The following UGGT2 variants were observed in gnomAD, a reference collection of about 807,000 sequenced individuals.
UGGT2 encodes UDP-glucose glycoprotein glucosyltransferase 2, also known as UDP-glucose:glycoprotein glucosyltransferase 2.
Under a neutral mutation model 192.1 loss-of-function variants are expected in UGGT2, and 180 were observed. The ratio of observed to expected loss-of-function variants is 0.94; its 90% CI spans 0.83 to 1.06. The LOEUF is 1.06. UGGT2 is among the 50% of genes least tolerant of loss of function. The pLI is 0.00. For synonymous variants in UGGT2, 580 were observed against 591.0 expected (o/e 0.98, Z 0.27); for missense variants, 1,849 against 1,795.7 (o/e 1.03, Z -0.54).
chr13:95,876,587 GC>G (rs1388412231), intron 29 of UGGT2, among the ~76,000 whole-genome samples: 1 of 152,174 alleles, frequency 6.6e-6, no homozygotes, highest in Non-Finnish European at 1.5e-5. Context: ...AAAGTCTGCT[GC>G]TCACTTCCCT....
chr13:95,936,796 A>T, intron 17 of UGGT2, 128 bp downstream of exon 17: 1 of 964,374 alleles, frequency 1.0e-6, no homozygotes, highest in Non-Finnish European at 1.5e-6. Flanking sequence ...GTATCATTTT[A>T]AAAATCACTA....
intron 7 of UGGT2, 48 bp from the exon 8 acceptor site, chr13:95,990,121 C>G: frequency 1.6e-6 from 2 of 1,212,474 alleles, no homozygotes; most frequent in Non-Finnish European, 1.1e-6. Context: ...CTATCACAAA[C>G]CATTATACAA....
intron 36 of UGGT2, among the ~76,000 whole-genome samples, chr13:95,848,435 C>A: frequency 6.6e-6 from 1 of 152,098 alleles, no homozygotes; most frequent in East Asian, 1.9e-4. Flanking sequence ...TTGTGTTTTA[C>A]ATTCAAGTCT....
At chr13:95,964,892 T>A (rs2050518341) in intron 12 of UGGT2, among the ~76,000 whole-genome samples, 1 of 151,686 alleles carries the variant, frequency 6.6e-6, no homozygotes, top group Non-Finnish European at 1.5e-5. Flanking sequence ...TCAAACAAAT[T>A]TACAAGAAAA....
chr13:95,887,625 T>G lies in UGGT2; in HGVS notation c.3038+267A>C, dbSNP rs546420964. Among the ~76,000 whole-genome samples, 5 of 152,278 alleles carry G rather than the reference T, an allele frequency of 3.3e-5. No homozygotes were observed. The East Asian group carries it at 7.7e-4, about 24-fold the overall frequency. ...TGATGTATATCTAAATAGGTATTCC[T>G]AAATCACATTTCCAAAAATACCTAT... On this transcript the variant is annotated intron_variant, in intron 26 of 38. Coordinates refer to ENST00000376747, the MANE Select transcript of UGGT2 (RefSeq NM_020121.4).
intron 29 of UGGT2, among the ~76,000 whole-genome samples, chr13:95,874,798 C>T (rs779760721): frequency 1.3e-5 from 2 of 151,936 alleles, no homozygotes; most frequent in Non-Finnish European, 2.9e-5. Context: ...GTCAACTGAT[C>T]CTCCCACCTC....
chr13:96,031,850 A>C (rs1441282939), intron 2 of UGGT2, 39 bp downstream of exon 2: 1 of 1,464,454 alleles, frequency 6.8e-7, no homozygotes. Context: ...TGTGTACATA[A>C]ATACAAATCT....
chr13:95,863,928 C>T, intron 30 of UGGT2, among the ~76,000 whole-genome samples: 1 of 152,094 alleles, frequency 6.6e-6, no homozygotes, highest in East Asian at 1.9e-4. Flanking sequence ...CAGTGGTTAC[C>T]TCCATATTGC....
chr13:95,986,908 G>C (rs911919377), intron 8 of UGGT2, among the ~76,000 whole-genome samples: 2 of 152,030 alleles, frequency 1.3e-5, no homozygotes, highest in African/African-American at 4.8e-5. Context: ...CCTAAACTTA[G>C]TATTATTTTA....
At chr13:95,827,010 G>A (rs541248966) in intron 38 of UGGT2, among the ~76,000 whole-genome samples, 2 of 151,968 alleles carry the variant, frequency 1.3e-5, no homozygotes, top group South Asian at 2.1e-4. Context: ...CCAATGGAAC[G>A]GAATAAAAAG....
intron 2 of UGGT2, among the ~76,000 whole-genome samples, chr13:96,028,041 T>C (rs1009832294): frequency 6.6e-6 from 1 of 152,232 alleles, no homozygotes; most frequent in Non-Finnish European, 1.5e-5. Context: ...CCCTTAAACA[T>C]TGCTGTTCTC....
At chr13:95,809,074 A>G (rs1004531301) in intron 38 of UGGT2, among the ~76,000 whole-genome samples, 7 of 152,230 alleles carry the variant, frequency 4.6e-5, no homozygotes, top group African/African-American at 1.7e-4. Flanking sequence ...CTATAATTCA[A>G]TATCTCACAC....
chr13:95,838,079 T>C (rs1411448367), intron 36 of UGGT2, among the ~76,000 whole-genome samples: 1 of 152,156 alleles, frequency 6.6e-6, no homozygotes. Context: ...GGAAAAAACT[T>C]CTGGAACTGA....
At chr13:95,849,225 T>G (rs1162271747) in intron 36 of UGGT2, among the ~76,000 whole-genome samples, 1 of 152,052 alleles carries the variant, frequency 6.6e-6, no homozygotes, top group East Asian at 1.9e-4. Context: ...AGGGAATAAT[T>G]TTAATATACT....
At chr13:96,000,158 A>G (rs1028675274) in intron 5 of UGGT2, among the ~76,000 whole-genome samples, 2 of 152,214 alleles carry the variant, frequency 1.3e-5, no homozygotes, top group Non-Finnish European at 2.9e-5. Context: ...ACTTTAACCT[A>G]GAGCTCAGCA....
chr13:95,927,939 C>T (rs1045116580), intron 17 of UGGT2, among the ~76,000 whole-genome samples: 3 of 152,130 alleles, frequency 2.0e-5, no homozygotes, highest in Admixed American at 6.5e-5. Flanking sequence ...CCATTTAACC[C>T]TTAGTGGACA....
At chr13:95,923,824 A>T (rs1477494298) in intron 20 of UGGT2, among the ~76,000 whole-genome samples, 1 of 152,198 alleles carries the variant, frequency 6.6e-6, no homozygotes, top group Non-Finnish European at 1.5e-5. Context: ...AATATAAAAA[A>T]CCCAGAAAGG....
intron 38 of UGGT2, among the ~76,000 whole-genome samples, chr13:95,819,704 G>A (rs1325742660): frequency 6.6e-6 from 1 of 152,074 alleles, no homozygotes; most frequent in Non-Finnish European, 1.5e-5. Context: ...AATAACAATA[G>A]AAATAACAAA....
In UGGT2 at chr13:96,031,094, T is replaced by C. The variant is rs1208664337; in HGVS notation, c.241+795A>G. ...AGGAAGGTTCATCAACAGATATATA[T>C]GTACCACACTAGTGAGGGATGTTGA... On this transcript the variant is annotated intron_variant, in intron 2 of 38. Coordinates refer to ENST00000376747, the MANE Select transcript of UGGT2 (RefSeq NM_020121.4). Among the ~76,000 whole-genome samples the C allele has an allele frequency of 2.0e-5, 3 of 152,294 alleles. No homozygotes were observed. In the East Asian group the frequency reaches 5.8e-4, roughly 29 times the overall value.
Sources: gnomAD v4.1 joint callset for allele counts (sites outside exome capture counted in the v4.1 genomes callset) on GRCh38, gnomAD v4.1.1 for gene constraint, MANE v1.5 for transcripts, NCBI Gene and HGNC (gene_info 2026-07-23, HGNC 2026-07-21) for gene names.